Variants in SBF2 observed in about 807,000 individuals in gnomAD.
The protein encoded by SBF2 is SET binding factor 2.
Under a neutral mutation model 225.2 loss-of-function variants are expected in SBF2, and 112 were observed. The ratio of observed to expected loss-of-function variants is 0.50; its 90% CI spans 0.43 to 0.58. The LOEUF (loss-of-function observed/expected upper bound fraction) is 0.58. SBF2 is among the 20% of genes least tolerant of loss of function. The pLI, the probability that SBF2 is intolerant of heterozygous loss-of-function variation, is 0.00. For missense variants in SBF2, 1,996 were observed against 2,206.2 expected, an observed-to-expected ratio of 0.90 and a Z score of 1.91; for synonymous variants, 763 against 773.3, an observed-to-expected ratio of 0.99 and a Z score of 0.22.
At chr11:10,107,815 T>G (rs117935836) in intron 2 of SBF2, among the ~76,000 whole-genome samples, 67 of 152,298 alleles carry the variant, frequency 4.4e-4, no homozygotes, top group Non-Finnish European at 8.7e-4. Flanking sequence ...TCAATTACAT[T>G]TGCAAAGATG....
chr11:10,254,057 G>A (rs1960622178), intron 1 of SBF2, among the ~76,000 whole-genome samples: 1 of 152,148 alleles, frequency 6.6e-6, no homozygotes, highest in African/African-American at 2.4e-5. Context: ...AATTAGTACA[G>A]TTATTATGGA....
intron 16 of SBF2, among the ~76,000 whole-genome samples, chr11:9,941,181 G>A (rs773182444): frequency 1.4e-4 from 22 of 151,922 alleles, no homozygotes; most frequent in Admixed American, 3.3e-4. Flanking sequence ...TGTGCATGGT[G>A]GCGCATGCCT....
At chr11:10,188,895 T>C (rs954016916) in intron 2 of SBF2, among the ~76,000 whole-genome samples, 1 of 152,242 alleles carries the variant, frequency 6.6e-6, no homozygotes, top group Non-Finnish European at 1.5e-5. Flanking sequence ...TTTTTATAGT[T>C]CTTAGTATGT....
At chr11:10,100,502 G>A (rs1466887961) in intron 2 of SBF2, among the ~76,000 whole-genome samples, 1 of 152,226 alleles carries the variant, frequency 6.6e-6, no homozygotes, top group Non-Finnish European at 1.5e-5. Context: ...GAATTTAACT[G>A]CAATAGAGAA....
intron 23 of SBF2, 141 bp from the exon 24 acceptor site, chr11:9,845,881 A>G: frequency 5.5e-6 from 4 of 732,928 alleles, no homozygotes; most frequent in Non-Finnish European, 9.1e-6. Flanking sequence ...CAATTTTTAA[A>G]TTTTTAAAAA....
chr11:9,844,949 GA>G (rs1856432137), intron 24 of SBF2, among the ~76,000 whole-genome samples: 5 of 151,922 alleles, frequency 3.3e-5, no homozygotes, highest in African/African-American at 2.4e-5. Context: ...AACATAAAAA[GA>G]TAATGTCTTT....
chr11:10,227,884 G>A (rs1958647455), intron 1 of SBF2, among the ~76,000 whole-genome samples: 1 of 151,232 alleles, frequency 6.6e-6, no homozygotes, highest in Non-Finnish European at 1.5e-5. Context: ...TGATGGGGAT[G>A]GCATTGAATC....
At chr11:9,868,337 CAAAAAAAAAAAA>C (rs35348349) in intron 17 of SBF2, among the ~76,000 whole-genome samples, 30 of 26,374 alleles carry the variant, frequency 1.1e-3, no homozygotes, top group African/African-American at 6.8e-3. Flanking sequence ...TACAAAAATA[CAAAAAAAAAAAA>C]AAAAAAAAAA....
intron 1 of SBF2, among the ~76,000 whole-genome samples, chr11:10,239,502 C>T (rs942802527): frequency 1.3e-5 from 2 of 150,654 alleles, no homozygotes; most frequent in Non-Finnish European, 3.0e-5. Flanking sequence ...GCCTAATACT[C>T]TACTAGTAAG....
At chr11:9,784,786 T>C (rs931095749) in intron 37 of SBF2, 1 of 495,318 alleles carries the variant, frequency 2.0e-6, no homozygotes, top group African/African-American at 1.9e-5. Flanking sequence ...TGTGAGTAAA[T>C]TCCTTTTTGC....
intron 29 of SBF2, among the ~76,000 whole-genome samples, chr11:9,815,485 A>G (rs1195161931): frequency 1.3e-5 from 2 of 151,608 alleles, no homozygotes; most frequent in Non-Finnish European, 2.9e-5. Context: ...ATAATATTTT[A>G]TTGAGGAAGG....
At chr11:10,299,098 G>A (rs1964573499), upstream of SBF2, among the ~76,000 whole-genome samples, 1 of 152,118 alleles carries the variant, frequency 6.6e-6, no homozygotes, top group East Asian at 1.9e-4. Context: ...CAGCACTTTG[G>A]GAGGCCAAGT....
intron 33 of SBF2, 61 bp from the exon 34 acceptor site, chr11:9,790,744 G>A (rs374015144): frequency 2.6e-5 from 34 of 1,291,938 alleles, no homozygotes; most frequent in Non-Finnish European, 3.7e-5. Context: ...GCCAAAAAAC[G>A]TATGATGCAT....
chr11:9,999,694 A>C (rs77020027), intron 8 of SBF2, among the ~76,000 whole-genome samples: 1,722 of 152,328 alleles, frequency 0.011, 33 homozygotes, highest in African/African-American at 0.039. Context: ...AACTAGTATT[A>C]ATTAGGTTTT....
At chr11:10,117,451 A>AG (rs1953198980) in intron 2 of SBF2, among the ~76,000 whole-genome samples, 2 of 151,872 alleles carry the variant, frequency 1.3e-5, no homozygotes, top group East Asian at 3.9e-4. Flanking sequence ...AAAAAAAAAA[A>AG]AAAAAAAAAA....
At chr11:10,179,264 C>T (rs59546320) in intron 2 of SBF2, among the ~76,000 whole-genome samples, 13,679 of 150,318 alleles carry the variant, frequency 0.091, 854 homozygotes, top group East Asian at 0.27. Flanking sequence ...TTAGTGGGTG[C>T]AGCACACCAG....
At chr11:10,288,998 G>C (rs367796499) in intron 1 of SBF2, among the ~76,000 whole-genome samples, 2 of 152,168 alleles carry the variant, frequency 1.3e-5, no homozygotes, top group African/African-American at 4.8e-5. Context: ...CAGGCTTCTC[G>C]CTTCAAGGGG....
At chr11:10,196,866 A>ATATATATATATATATTT in intron 1 of SBF2, among the ~76,000 whole-genome samples, 28 of 99,304 alleles carry the variant, frequency 2.8e-4, no homozygotes, top group Non-Finnish European at 1.6e-4. Context: ...ATATATATAT[A>ATATATATATATATATTT]TTTTTTTTTT....
intron 2 of SBF2, among the ~76,000 whole-genome samples, chr11:10,060,423 C>T (rs1443946912): frequency 3.3e-5 from 5 of 152,108 alleles, no homozygotes; most frequent in Non-Finnish European, 4.4e-5. Flanking sequence ...CAGGAACTGA[C>T]GGATTCACAG....
Sources: allele counts gnomAD v4.1 joint callset (sites outside exome capture counted in the v4.1 genomes callset), GRCh38; gene constraint gnomAD v4.1.1; transcripts MANE v1.5; gene names NCBI Gene and HGNC (gene_info 2026-07-23, HGNC 2026-07-21).